SOS1: variants seen among roughly 807,000 people sequenced by gnomAD.
The protein encoded by SOS1 is SOS Ras/Rac guanine nucleotide exchange factor 1.
SOS1 carries 25 observed loss-of-function variants against 157.6 expected under a neutral mutation model. The ratio of observed to expected loss-of-function variants is 0.16; its 90% confidence interval spans 0.12 to 0.22. SOS1 has a LOEUF of 0.22. Ranked by LOEUF, SOS1 falls within the 10% of genes least tolerant of loss-of-function variation. The pLI is 1.00. For synonymous variants in SOS1, 528 were observed against 534.0 expected (o/e 0.99, Z 0.16); for missense variants, 1,237 against 1,599.1 (o/e 0.77, Z 3.86).
chr2:39,007,895 G>A (rs1053874355), intron 15 of SOS1, among the ~76,000 whole-genome samples: 1 of 152,082 alleles, frequency 6.6e-6, no homozygotes. Flanking sequence ...AATGGCAAAA[G>A]AAACATCTAT....
intron 2 of SOS1, 45 bp from the exon 3 acceptor site, chr2:39,058,849 TA>T: frequency 6.7e-7 from 1 of 1,482,994 alleles, no homozygotes; most frequent in Non-Finnish European, 9.4e-7. Flanking sequence ...ATATATTAAA[TA>T]GTGCTCTTCA....
At chr2:39,059,619 C>T (rs1307976013) in intron 2 of SOS1, among the ~76,000 whole-genome samples, 1 of 152,028 alleles carries the variant, frequency 6.6e-6, no homozygotes, top group Non-Finnish European at 1.5e-5. Flanking sequence ...TATGTAAAAA[C>T]TACTAGATGA....
Position 39,091,031 on chromosome 2 carries a change from G to A in SOS1, c.88-23278C>T, listed in dbSNP as rs567798211. On this transcript the variant is annotated intron_variant, in intron 1 of 22. Transcript: ENST00000402219. ...CTACCGGTGCACGCCACCACACCTGGCTAATTTTTGTATTTTTAGTAGAGA... is the reference window on the plus strand; with the variant it reads ...CTACCGGTGCACGCCACCACACCTGACTAATTTTTGTATTTTTAGTAGAGA... Among the ~76,000 whole-genome samples, 132 of 152,180 alleles carry A rather than the reference G, an allele frequency of 8.7e-4. 2 individuals are homozygous for A. The highest frequency in any genetic ancestry group is 4.8e-3 in the South Asian group (23 of 4,822).
chr2:39,102,942 G>A (rs998659964), intron 1 of SOS1, among the ~76,000 whole-genome samples: 3 of 151,942 alleles, frequency 2.0e-5, no homozygotes, highest in Non-Finnish European at 2.9e-5. Flanking sequence ...GTGACAGGGC[G>A]AGACCCTGTC....
Position 39,003,764 on chromosome 2 carries a change from A to C in SOS1, c.2791+2648T>G, listed in dbSNP as rs543012453. On this transcript the variant is annotated intron_variant, in intron 17 of 22. Coordinates refer to ENST00000402219, the MANE Select transcript of SOS1 (RefSeq NM_005633.4). ...AAAATAAACAGGCAAAATTGGCCAAAAAAAAAGGACTGAAGAAACCCTGAA... is the reference window on the plus strand; with the variant it reads ...AAAATAAACAGGCAAAATTGGCCAACAAAAAAGGACTGAAGAAACCCTGAA... Among the ~76,000 whole-genome samples, 8 of 152,350 alleles carry C rather than the reference A, an allele frequency of 5.3e-5. No individual in the cohort carries two copies. In the East Asian group the frequency reaches 7.7e-4, roughly 15 times the overall value.
At chr2:39,030,004 A>T (rs910705304) in intron 8 of SOS1, among the ~76,000 whole-genome samples, 1 of 151,532 alleles carries the variant, frequency 6.6e-6, no homozygotes, top group Admixed American at 6.6e-5. Context: ...TCATCTCTAC[A>T]AATAAAAATT....
intron 2 of SOS1, among the ~76,000 whole-genome samples, chr2:39,059,418 GA>G (rs1427777069): frequency 2.6e-5 from 4 of 152,062 alleles, no homozygotes; most frequent in Non-Finnish European, 5.9e-5. Context: ...CACTGAGAGT[GA>G]AAGAACTCAG....
intron 9 of SOS1, 134 bp downstream of exon 9, chr2:39,023,876 A>G: frequency 1.5e-6 from 1 of 669,280 alleles, no homozygotes; most frequent in Non-Finnish European, 2.6e-6. Context: ...CTTTGATGTC[A>G]CTTCCTCTAA....
chr2:39,120,832 G>C lies in SOS1; in HGVS notation c.-410C>G, dbSNP rs1254824654. Reference sequence around the variant, plus strand: ...GCTGGGGGAGGACGTGTGGAGGGACGCTCCGGCCGCGGCGCCCGCTCCGCG... The same window carrying C: ...GCTGGGGGAGGACGTGTGGAGGGACCCTCCGGCCGCGGCGCCCGCTCCGCG... On this transcript the variant is annotated 5_prime_UTR_variant, in exon 1 of 23. Transcript: ENST00000402219. Among the ~76,000 whole-genome samples the C allele has an allele frequency of 6.6e-6, 1 of 151,166 alleles. No homozygotes were observed. The highest frequency in any genetic ancestry group is 2.4e-5 in the African/African-American group (1 of 41,278).
At chr2:39,039,498 AT>A (rs1670481530) in intron 6 of SOS1, among the ~76,000 whole-genome samples, 1 of 152,128 alleles carries the variant, frequency 6.6e-6, no homozygotes, top group African/African-American at 2.4e-5. Context: ...TGCCAGTGTT[AT>A]TTTTATATGT....
chr2:39,073,518 A>G (rs1370217143), intron 1 of SOS1, among the ~76,000 whole-genome samples: 3 of 152,248 alleles, frequency 2.0e-5, no homozygotes, highest in Non-Finnish European at 4.4e-5. Context: ...TTTAAGGAGT[A>G]ATCACTATAT....
At position 38,986,155 on chromosome 2, in the gene SOS1, T is replaced by A. The variant is rs747415691; in HGVS notation, c.3671A>T (p.Asp1224Val). The A allele has an allele frequency of 1.2e-6, 2 of 1,613,732 alleles. No homozygotes were observed. Among genetic ancestry groups the A allele is most frequent in the Admixed American group, 1.7e-5 (1 of 59,964 alleles). The change falls in exon 23 of 23, where the codon GAT becomes GTT. Residue 1224 changes from aspartate (D) to valine (V), a missense_variant. Asp to Val is a radical substitution (Grantham distance 152). This residue lies in a region of SOS1 where 306 missense variants were observed against 322.6 expected (regional missense o/e 0.95). Transcript: ENST00000402219. Reference sequence around the variant, plus strand: ...ATGTAGTGGTGAGCTTGAGAAAACATCAGGTGTCCTCACAGGTTCTCGTGG... The same window carrying A: ...ATGTAGTGGTGAGCTTGAGAAAACAACAGGTGTCCTCACAGGTTCTCGTGG... ...LPPREPVRTPDVFSSSPLHLQ... is the reference protein window; with the variant it reads ...LPPREPVRTPVVFSSSPLHLQ...
intron 9 of SOS1, chr2:39,023,794 G>A: frequency 2.0e-6 from 1 of 505,906 alleles, no homozygotes; most frequent in Non-Finnish European, 3.5e-6. Context: ...ACTCTCAGGA[G>A]GTCTTGTCTG....
chr2:39,046,495 C>CTTTTTTTTTTTTTTTTTTTTTT lies in SOS1; in HGVS notation c.864+4627_864+4648dup, dbSNP rs201639147. 1.6e-5 allele frequency among the ~76,000 whole-genome samples: 2 copies of CTTTTTTTTTTTTTTTTTTTTTT among 124,382 alleles called. 1 individual carries two copies. The highest frequency in any genetic ancestry group is 6.6e-5 in the African/African-American group (2 of 30,224). The allele number at this position is 124,382 out of a possible 152,430, so 81.6% of individuals were successfully genotyped here. On this transcript the variant is annotated intron_variant, in intron 6 of 22. Coordinates refer to ENST00000402219, the MANE Select transcript of SOS1 (RefSeq NM_005633.4). ...TTATTTATTTATTTTGAGACAGTGT[C>CTTTTTTTTTTTTTTTTTTTTTT]TTTTTTTTTTTTTTTTTTTTTTTTT... is the stretch of plus-strand genomic sequence containing the variant.
At chr2:39,039,280 G>A (rs769285850) in intron 6 of SOS1, among the ~76,000 whole-genome samples, 1 of 152,164 alleles carries the variant, frequency 6.6e-6, no homozygotes. Flanking sequence ...CCTAAGCCAC[G>A]ATATCTCTGA....
rs1170745209 is a variant in SOS1, at chr2:39,120,251, T to C, written c.87+85A>G. 5.7e-6 allele frequency: 7 copies of C among 1,236,914 alleles called. No individual in the cohort carries two copies. The Admixed American group carries it at 1.2e-4, about 21-fold the overall frequency. The allele number at this position is 1,236,914 out of a possible 1,614,324, so 76.6% of individuals were successfully genotyped here. On this transcript the variant is annotated intron_variant, in intron 1 of 22. Transcript: ENST00000402219. ...GCGAGACCGGGAAGAAAGACGGCCC[T>C]GCGCGCGCCCCGCCTCCCCAGCCCT...
chr2:39,035,334 T>A, intron 7 of SOS1, 24 bp from the exon 8 acceptor site: 1 of 1,609,384 alleles, frequency 6.2e-7, no homozygotes, highest in Non-Finnish European at 8.5e-7. Context: ...TGATTTAATT[T>A]TTTTTTTAAG....
At chr2:39,011,767 A>G (rs1350055687) in intron 14 of SOS1, among the ~76,000 whole-genome samples, 1 of 152,160 alleles carries the variant, frequency 6.6e-6, no homozygotes, top group Non-Finnish European at 1.5e-5. Context: ...CAAACCTCAA[A>G]ACAGCCCCAG....
chr2:39,062,422 T>TA (rs147051518), intron 2 of SOS1, among the ~76,000 whole-genome samples: 94,481 of 118,596 alleles, frequency 0.8, 36,206 homozygotes, highest in Non-Finnish European at 0.86. Context: ...TGTCTCAAAA[T>TA]AAAAAAAAAA....
Sources: gnomAD v4.1 joint callset for allele counts (sites outside exome capture counted in the v4.1 genomes callset) on GRCh38, gnomAD v4.1.1 for gene constraint, gnomAD v4.1.1 regional missense constraint, MANE v1.5 for transcripts, NCBI Gene and HGNC (gene_info 2026-07-23, HGNC 2026-07-21) for gene names.